Variants in BAHD1 observed in about 807,000 individuals in gnomAD.
The protein encoded by BAHD1 is bromo adjacent homology domain containing 1, also known as bromo adjacent homology domain-containing 1 protein.
In BAHD1, 20 loss-of-function variants were observed where a neutral mutation model predicts 63.1. The ratio of observed to expected loss-of-function variants is 0.32; its 90% CI spans 0.22 to 0.46. The LOEUF (loss-of-function observed/expected upper bound fraction) is 0.46. Ranked by LOEUF, BAHD1 falls within the 20% of genes least tolerant of loss-of-function variation. The pLI, the probability that BAHD1 is intolerant of heterozygous loss-of-function variation, is 1.00. For missense variants in BAHD1, 939 were observed against 1,071.8 expected (o/e 0.88, Z 1.73); for synonymous variants, 408 against 426.8 (o/e 0.96, Z 0.54).
At chr15:40,440,691 C>G (rs1893371862), upstream of BAHD1, among the ~76,000 whole-genome samples, 1 of 152,134 alleles carries the variant, frequency 6.6e-6, no homozygotes, top group African/African-American at 2.4e-5. Flanking sequence ...TTGCCACCAC[C>G]CTTGGCACGG....
In BAHD1 at chr15:40,459,769, C is replaced by T. The variant is rs756414945; in HGVS notation, c.1305C>T (p.Ser435=). The change falls in exon 2 of 7, where the codon TCC becomes TCT. Residue 435 remains serine, a synonymous_variant. Transcript: ENST00000416165. ...GTPFQHPPWG[S]SRYCSSEDTG... is the part of the protein sequence containing the mutation. ...CTTTCCAGCACCCTCCCTGGGGCTC[C>T]TCTCGCTACTGCTCTAGCGAGGACA... 3.7e-6 allele frequency: 6 copies of T among 1,613,954 alleles called. No individual in the cohort carries two copies. The highest frequency in any genetic ancestry group is 2.2e-5 in the East Asian group (1 of 44,886).
At chr15:40,451,430 C>T (rs1893700498) in intron 1 of BAHD1, among the ~76,000 whole-genome samples, 1 of 152,242 alleles carries the variant, frequency 6.6e-6, no homozygotes, top group Non-Finnish European at 1.5e-5. Context: ...AGCCCATGCT[C>T]CAACTCTTAG....
intron 1 of BAHD1, among the ~76,000 whole-genome samples, chr15:40,449,972 A>T (rs1893656317): frequency 6.6e-6 from 1 of 152,186 alleles, no homozygotes; most frequent in Non-Finnish European, 1.5e-5. Flanking sequence ...TGGAGGTCAG[A>T]GGGCTCTTGT....
At chr15:40,462,520 C>A (rs1894080758) in intron 3 of BAHD1, among the ~76,000 whole-genome samples, 1 of 152,114 alleles carries the variant, frequency 6.6e-6, no homozygotes, top group African/African-American at 2.4e-5. Context: ...AGGAGACACA[C>A]AGTCATAGCT....
intron 1 of BAHD1, among the ~76,000 whole-genome samples, chr15:40,446,241 A>G (rs926607596): frequency 6.6e-6 from 1 of 152,202 alleles, no homozygotes; most frequent in Non-Finnish European, 1.5e-5. Flanking sequence ...AATGGCTAAA[A>G]AGGAGGAGGA....
In BAHD1 at chr15:40,458,381, C is replaced by A. The variant is rs1188318350; in HGVS notation, c.-14-70C>A. On this transcript the variant is annotated intron_variant, in intron 1 of 6. Transcript: ENST00000416165. The surrounding 1 kb of genome is among the most constrained non-coding windows in gnomAD (Gnocchi z 4.7). ...ACTGCACCTGGGGCTGGGTAGGCTGCAGTGGGAGAGAAAGCAGGCAGGAGC... is the reference window on the plus strand; with the variant it reads ...ACTGCACCTGGGGCTGGGTAGGCTGAAGTGGGAGAGAAAGCAGGCAGGAGC... The A allele has an allele frequency of 1.3e-5, 19 of 1,505,204 alleles. No homozygotes were observed. The highest frequency in any genetic ancestry group is 1.5e-5 in the Non-Finnish European group (17 of 1,128,614). The allele number at this position is 1,505,204 out of a possible 1,614,324, so 93.2% of individuals were successfully genotyped here.
chr15:40,438,916 A>G (rs553095306), upstream of BAHD1, among the ~76,000 whole-genome samples: 5 of 152,306 alleles, frequency 3.3e-5, 1 homozygote, highest in South Asian at 1.0e-3. Flanking sequence ...GGCCTGTAGC[A>G]TGGCTCTGCC....
chr15:40,438,246 G>A (rs1215831665), upstream of BAHD1, among the ~76,000 whole-genome samples: 1 of 152,208 alleles, frequency 6.6e-6, no homozygotes, highest in African/African-American at 2.4e-5. Flanking sequence ...GCTGTGGAAG[G>A]GCTTTGGACT....
At chr15:40,442,070 A>G (rs1566957199) in intron 1 of BAHD1, among the ~76,000 whole-genome samples, 1 of 152,026 alleles carries the variant, frequency 6.6e-6, no homozygotes, top group African/African-American at 2.4e-5. Context: ...TCCAAGTGAC[A>G]GCGGGACCCT....
chr15:40,456,053 A>T (rs752343607), intron 1 of BAHD1, among the ~76,000 whole-genome samples: 6 of 151,912 alleles, frequency 3.9e-5, no homozygotes, highest in Non-Finnish European at 8.8e-5. Flanking sequence ...GCTCACTGCA[A>T]CCTCCACCTC....
chr15:40,448,540 C>G lies in BAHD1; in HGVS notation c.-15+7272C>G, dbSNP rs138865368. 8.5e-5 allele frequency among the ~76,000 whole-genome samples: 13 copies of G among 152,184 alleles called. No homozygotes were observed. In the East Asian group the frequency reaches 2.5e-3, roughly 29 times the overall value. On this transcript the variant is annotated intron_variant, in intron 1 of 6. Transcript: ENST00000416165. ...GGATGGCTCACCTCTGTCCTCAATC[C>G]TAGCAACTTTTTATTTTTTAAGAGC...
chr15:40,458,904 G>T lies in BAHD1; in HGVS notation c.440G>T (p.Arg147Leu). Residue 147 changes from arginine (R) to leucine (L), a missense_variant, in exon 2 of 7, where the codon CGA becomes CTA. Coordinates refer to ENST00000416165, the MANE Select transcript of BAHD1 (RefSeq NM_014952.5). This position sits in a 1 kb window ranked among gnomAD's most constrained non-coding sequence, Gnocchi z 4.7. ...TSSLAGTRRS[R>L]AGDPHRSRDR... ...AGCCTGGCAGGCACCCGCCGCAGTCGAGCAGGGGATCCCCACCGCAGCCGT... is the reference window on the plus strand; with the variant it reads ...AGCCTGGCAGGCACCCGCCGCAGTCTAGCAGGGGATCCCCACCGCAGCCGT... The T allele has an allele frequency of 6.3e-7, 1 of 1,598,066 alleles. No homozygotes were observed. Among genetic ancestry groups the T allele is most frequent in the Non-Finnish European group, 8.5e-7 (1 of 1,171,098 alleles).
upstream of BAHD1, among the ~76,000 whole-genome samples, chr15:40,438,463 C>T (rs1461331302): frequency 6.6e-6 from 1 of 152,156 alleles, no homozygotes; most frequent in Non-Finnish European, 1.5e-5. Flanking sequence ...TTTAGCCAGC[C>T]CGTGTCCCCG....
At chr15:40,449,701 C>T (rs1393338434) in intron 1 of BAHD1, among the ~76,000 whole-genome samples, 1 of 150,890 alleles carries the variant, frequency 6.6e-6, no homozygotes, top group Non-Finnish European at 1.5e-5. Context: ...CCCAACTACT[C>T]GGGAGGCTGA....
At chr15:40,455,600 C>T (rs548809595) in intron 1 of BAHD1, among the ~76,000 whole-genome samples, 4 of 152,326 alleles carry the variant, frequency 2.6e-5, no homozygotes, top group South Asian at 2.1e-4. Flanking sequence ...AGAACGCTTC[C>T]AGTAGCCAGG....
chr15:40,465,553 C>A, intron 6 of BAHD1, 118 bp downstream of exon 6: 1 of 789,550 alleles, frequency 1.3e-6, no homozygotes. Context: ...ATCTTACTCA[C>A]TGAGCCTAAT....
chr15:40,448,532 C>T (rs955349383), intron 1 of BAHD1, among the ~76,000 whole-genome samples: 19 of 151,168 alleles, frequency 1.3e-4, no homozygotes, highest in African/African-American at 4.6e-4. Flanking sequence ...TCACCTCTGT[C>T]CTCAATCCTA....
chr15:40,464,581 G>A, intron 5 of BAHD1, 34 bp downstream of exon 5: 1 of 1,578,234 alleles, frequency 6.3e-7, no homozygotes, highest in South Asian at 1.1e-5. Context: ...AGGGAGGGCA[G>A]GAGAGACAGA....
rs577846497 is a variant in BAHD1 at position 40,464,558 on chromosome 15, T to C, written c.2052+11T>C. ...CCCAGCATGCACGAGGTGAGCTGCC[T>C]GGCAGATGGGTCAGGGAGGGCAGGA... On this transcript the variant is annotated intron_variant, in intron 5 of 6. Transcript: ENST00000416165. The C allele has an allele frequency of 2.5e-6, 4 of 1,610,746 alleles. No homozygotes were observed. In the East Asian group the frequency reaches 8.9e-5, roughly 36 times the overall value.
Sources: gnomAD v4.1 joint callset for allele counts (sites outside exome capture counted in the v4.1 genomes callset) on GRCh38, gnomAD v4.1.1 for gene constraint, Gnocchi (gnomAD v3.1) non-coding constraint, MANE v1.5 for transcripts, NCBI Gene and HGNC (gene_info 2026-07-23, HGNC 2026-07-21) for gene names.